The following TRABD2B variants were observed in gnomAD, a reference collection of about 807,000 sequenced individuals.
TRABD2B encodes TraB domain containing 2B.
A neutral mutation model predicts 40.1 loss-of-function variants in TRABD2B; 14 were observed. That is an observed-to-expected ratio of 0.35 (90% CI 0.23 to 0.55). TRABD2B has a LOEUF of 0.55. TRABD2B is among the 20% of genes least tolerant of loss of function. The pLI is 0.90. For synonymous variants in TRABD2B, 263 were observed against 277.0 expected, an observed-to-expected ratio of 0.95 and a Z score of 0.50; for missense variants, 541 against 648.6, an observed-to-expected ratio of 0.83 and a Z score of 1.80.
At chr1:47,925,481 C>T (rs947877815) in intron 2 of TRABD2B, among the ~76,000 whole-genome samples, 1 of 152,214 alleles carries the variant, frequency 6.6e-6, no homozygotes, top group Non-Finnish European at 1.5e-5. Context: ...GTAATAGCAA[C>T]AGCAAGTAAC....
chr1:47,990,372 G>A (rs1645983034), intron 2 of TRABD2B, among the ~76,000 whole-genome samples: 1 of 152,164 alleles, frequency 6.6e-6, no homozygotes, highest in South Asian at 2.1e-4. Context: ...AGGCAGAGCT[G>A]ATAGAAATCT....
chr1:47,868,641 A>T (rs1236151283), intron 2 of TRABD2B, among the ~76,000 whole-genome samples: 1 of 152,110 alleles, frequency 6.6e-6, no homozygotes, highest in African/African-American at 2.4e-5. Flanking sequence ...ATGCCTGATG[A>T]TCTGAGGTGA....
At chr1:47,800,734 G>A (rs1323214438) in intron 3 of TRABD2B, among the ~76,000 whole-genome samples, 1 of 152,214 alleles carries the variant, frequency 6.6e-6, no homozygotes, top group Non-Finnish European at 1.5e-5. Context: ...AGGGGCTCAG[G>A]AAGGTTTCTC....
Position 47,802,466 on chromosome 1 carries a change from C to T in TRABD2B, c.667-847G>A, listed in dbSNP as rs140973888. Among the ~76,000 whole-genome samples the T allele has an allele frequency of 1.5e-3, 230 of 152,288 alleles. 5 individuals carry two copies. In the East Asian group the frequency reaches 0.039, roughly 26 times the overall value. ...TCAATTCACATAGCTAGGCCTGGAG[C>T]TAGTTTTAGGAGACAGAGTATCCCA... On this transcript the variant is annotated intron_variant, in intron 2 of 6. Transcript: ENST00000606738.
intron 4 of TRABD2B, among the ~76,000 whole-genome samples, chr1:47,791,796 C>A (rs980580121): frequency 7.9e-5 from 12 of 152,216 alleles, no homozygotes; most frequent in South Asian, 6.2e-4. Context: ...CATGCGGATG[C>A]GTTCCATGTC....
intron 2 of TRABD2B, among the ~76,000 whole-genome samples, chr1:47,981,872 C>G (rs1186317669): frequency 1.3e-5 from 2 of 152,220 alleles, no homozygotes; most frequent in Non-Finnish European, 2.9e-5. Context: ...GAGCTGTAAG[C>G]TGTTGCTAGG....
intron 2 of TRABD2B, among the ~76,000 whole-genome samples, chr1:47,926,097 A>T (rs1217924189): frequency 6.6e-6 from 1 of 152,226 alleles, no homozygotes; most frequent in African/African-American, 2.4e-5. Context: ...CACAGTATCA[A>T]GTGACTTTGC....
intron 2 of TRABD2B, among the ~76,000 whole-genome samples, chr1:47,888,206 C>T (rs1343383114): frequency 6.6e-6 from 1 of 152,196 alleles, no homozygotes; most frequent in Non-Finnish European, 1.5e-5. Context: ...AAATCTTTAG[C>T]CTGACGGGCC....
Position 47,875,713 on chromosome 1 carries a change from G to GAAGA in TRABD2B, c.667-74098_667-74095dup, listed in dbSNP as rs140621810. On this transcript the variant is annotated intron_variant, in intron 2 of 6. Transcript: ENST00000606738. ...AAAAAAAAAAAAAGAAGAAGGAAAG[G>GAAGA]AAGAAAGAAAGAAAGAGCAGAAAAG... is the stretch of plus-strand genomic sequence containing the variant. 8.4e-4 allele frequency among the ~76,000 whole-genome samples: 124 copies of GAAGA among 147,344 alleles called. 4 individuals are homozygous for GAAGA. The East Asian group carries it at 0.022, about 26-fold the overall frequency.
rs184912864 is a variant in TRABD2B, at chr1:47,762,202, T to A, written c.*3700A>T. On this transcript the variant is annotated 3_prime_UTR_variant, in exon 7 of 7. Transcript: ENST00000606738. ...ACATCCTGTCTATTCTAGAGATGAC[T>A]GCACATCACGCTGGCCAGGCACAGG... is the stretch of plus-strand genomic sequence containing the variant. The A allele has an allele frequency of 2.0e-5, 3 of 152,324 alleles. No homozygotes were observed. Among genetic ancestry groups the A allele is most frequent in the Admixed American group, 2.0e-4 (3 of 15,294 alleles). The allele number at this position is 152,324 out of a possible 1,614,324, so 9.4% of individuals were successfully genotyped here. A position where few individuals can be genotyped will look rare whatever the true frequency, so the allele number is the denominator to read the frequency against.
chr1:47,837,556 A>T (rs887227847), intron 2 of TRABD2B, among the ~76,000 whole-genome samples: 1 of 151,860 alleles, frequency 6.6e-6, no homozygotes, highest in Non-Finnish European at 1.5e-5. Flanking sequence ...GCCTCCTGTG[A>T]CTGTATCTGA....
At chr1:47,958,453 T>C (rs1645458142) in intron 2 of TRABD2B, among the ~76,000 whole-genome samples, 2 of 144,544 alleles carry the variant, frequency 1.4e-5, no homozygotes, top group African/African-American at 2.5e-5. Context: ...GTGTGCTGTA[T>C]TCAGGAGACC....
intron 2 of TRABD2B, among the ~76,000 whole-genome samples, chr1:47,821,906 G>C (rs1645115627): frequency 6.6e-6 from 1 of 152,056 alleles, no homozygotes; most frequent in Admixed American, 6.6e-5. Context: ...ACAGGGGGTG[G>C]AACAATGAGG....
rs190395756 is a variant in TRABD2B, at chr1:47,987,939, T to G, written c.666+6095A>C. Among the ~76,000 whole-genome samples the G allele has an allele frequency of 2.1e-3, 320 of 152,308 alleles. 3 individuals carry two copies. The highest frequency in any genetic ancestry group is 7.3e-3 in the African/African-American group (304 of 41,570). On this transcript the variant is annotated intron_variant, in intron 2 of 6. Coordinates refer to ENST00000606738, the MANE Select transcript of TRABD2B (RefSeq NM_001194986.2). ...CAGCCTGTGTTTAATTCCACGGTGATGGAGGGGCTCTCCCTCCATGGTTGA... is the reference window on the plus strand; with the variant it reads ...CAGCCTGTGTTTAATTCCACGGTGAGGGAGGGGCTCTCCCTCCATGGTTGA...
chr1:47,894,759 T>C (rs1644494180), intron 2 of TRABD2B, among the ~76,000 whole-genome samples: 1 of 152,060 alleles, frequency 6.6e-6, no homozygotes, highest in Non-Finnish European at 1.5e-5. Context: ...GAGTGAAGAA[T>C]AGGGACAGGG....
At chr1:47,894,546 T>C (rs569686180) in intron 2 of TRABD2B, among the ~76,000 whole-genome samples, 1 of 152,156 alleles carries the variant, frequency 6.6e-6, no homozygotes, top group Admixed American at 6.5e-5. Flanking sequence ...AGTGAGAAGA[T>C]GGAACAGAAT....
At chr1:47,964,566 T>A (rs912149354) in intron 2 of TRABD2B, among the ~76,000 whole-genome samples, 7 of 152,314 alleles carry the variant, frequency 4.6e-5, no homozygotes, top group Middle Eastern at 3.4e-3. Flanking sequence ...AGGCTTCTAA[T>A]CAGGAAAAAG....
chr1:47,857,038 C>T (rs1190801259), intron 2 of TRABD2B, among the ~76,000 whole-genome samples: 2 of 152,226 alleles, frequency 1.3e-5, no homozygotes, highest in Non-Finnish European at 2.9e-5. Context: ...GCCAGGTGAC[C>T]GCAGTAGCAC....
At chr1:47,803,511 A>C (rs1644851025) in intron 2 of TRABD2B, among the ~76,000 whole-genome samples, 1 of 152,142 alleles carries the variant, frequency 6.6e-6, no homozygotes, top group Admixed American at 6.5e-5. Flanking sequence ...ACAGCCTGCC[A>C]ATCCCCATAC....
Sources: gnomAD v4.1 joint callset for allele counts (sites outside exome capture counted in the v4.1 genomes callset) on GRCh38, gnomAD v4.1.1 for gene constraint, MANE v1.5 for transcripts, NCBI Gene and HGNC (gene_info 2026-07-23, HGNC 2026-07-21) for gene names.